The following UNC5C variants were observed in gnomAD, a reference collection of about 807,000 sequenced individuals.
The protein encoded by UNC5C is unc-5 netrin receptor C, also known as netrin receptor UNC5C.
A neutral mutation model predicts 99.8 loss-of-function variants in UNC5C; 47 were observed. The observed-to-expected ratio is 0.47, with a 90% CI of 0.37 to 0.60. The LOEUF is 0.60. Among genes scored for constraint, UNC5C ranks in the 20% least tolerant of loss-of-function variants. UNC5C has a pLI of 0.00. For synonymous variants in UNC5C, 487 were observed against 452.2 expected, an observed-to-expected ratio of 1.08 and a Z score of -0.98; for missense variants, 1,062 against 1,165.9, an observed-to-expected ratio of 0.91 and a Z score of 1.30.
chr4:95,287,795 C>T (rs1741289862), intron 3 of UNC5C, among the ~76,000 whole-genome samples: 1 of 152,226 alleles, frequency 6.6e-6, no homozygotes, highest in South Asian at 2.1e-4. Context: ...TATCCGATAT[C>T]ATGTCACTGC....
intron 1 of UNC5C, among the ~76,000 whole-genome samples, chr4:95,420,336 T>A (rs530986173): frequency 1.3e-5 from 2 of 152,288 alleles, no homozygotes; most frequent in South Asian, 4.1e-4. Flanking sequence ...AGCAATTTCA[T>A]TGAGAATGCT....
intron 1 of UNC5C, among the ~76,000 whole-genome samples, chr4:95,515,513 C>T (rs1338890536): frequency 6.6e-6 from 1 of 152,066 alleles, no homozygotes; most frequent in Non-Finnish European, 1.5e-5. Flanking sequence ...TTAGGTTTTC[C>T]TTAGTGAGCC....
chr4:95,499,046 G>T (rs1330947241), intron 1 of UNC5C, among the ~76,000 whole-genome samples: 4 of 152,014 alleles, frequency 2.6e-5, no homozygotes, highest in African/African-American at 9.7e-5. Context: ...AAGCTTTACA[G>T]GAGACCTGAT....
chr4:95,389,140 G>C (rs1404324215), intron 1 of UNC5C, among the ~76,000 whole-genome samples: 1 of 152,066 alleles, frequency 6.6e-6, no homozygotes, highest in Non-Finnish European at 1.5e-5. Context: ...GTGAAACAAA[G>C]CAGGTTAAAC....
intron 1 of UNC5C, among the ~76,000 whole-genome samples, chr4:95,463,518 A>C (rs891320032): frequency 5.9e-5 from 9 of 152,156 alleles, no homozygotes; most frequent in Non-Finnish European, 7.4e-5. Context: ...AGATGGCCAG[A>C]GGAGGAAACG....
chr4:95,189,934 G>A (rs1277654583), intron 12 of UNC5C, among the ~76,000 whole-genome samples: 6 of 152,252 alleles, frequency 3.9e-5, no homozygotes, highest in Admixed American at 2.6e-4. Flanking sequence ...TCAGTGTGGC[G>A]ATTCCTCAGG....
chr4:95,208,727 A>G (rs570379750), intron 10 of UNC5C, among the ~76,000 whole-genome samples: 11 of 152,348 alleles, frequency 7.2e-5, no homozygotes, highest in African/African-American at 2.6e-4. Context: ...TAAACCCATT[A>G]AAATGGACAT....
intron 1 of UNC5C, among the ~76,000 whole-genome samples, chr4:95,483,625 C>A (rs1416697220): frequency 6.6e-6 from 1 of 151,762 alleles, no homozygotes; most frequent in South Asian, 2.1e-4. Flanking sequence ...TTCAATTTGA[C>A]TCAGAAGCCA....
At chr4:95,380,327 AT>A (rs1167307469) in intron 1 of UNC5C, among the ~76,000 whole-genome samples, 2 of 152,218 alleles carry the variant, frequency 1.3e-5, no homozygotes, top group Non-Finnish European at 2.9e-5. Context: ...ATTTTGTCTC[AT>A]TAACATGGTC....
intron 1 of UNC5C, among the ~76,000 whole-genome samples, chr4:95,359,964 A>C (rs1418037496): frequency 6.6e-6 from 1 of 152,182 alleles, no homozygotes; most frequent in Non-Finnish European, 1.5e-5. Flanking sequence ...AAACAGGCAC[A>C]GAGAAGTCCA....
chr4:95,521,698 G>T (rs1445335532), intron 1 of UNC5C, among the ~76,000 whole-genome samples: 1 of 152,018 alleles, frequency 6.6e-6, no homozygotes, highest in African/African-American at 2.4e-5. Context: ...ACATCCATTG[G>T]AAAAATGTGA....
At chr4:95,203,025 G>T in intron 11 of UNC5C, 61 bp from the exon 12 acceptor site, 1 of 1,509,404 alleles carries the variant, frequency 6.6e-7, no homozygotes, top group Non-Finnish European at 9.2e-7. Flanking sequence ...GGCCACCAGG[G>T]ATGGTGGTGA....
intron 1 of UNC5C, among the ~76,000 whole-genome samples, chr4:95,524,451 G>T (rs1480411825): frequency 6.6e-6 from 1 of 152,200 alleles, no homozygotes; most frequent in East Asian, 1.9e-4. Flanking sequence ...CTGTCAGGCA[G>T]CTGGCAAATA....
chr4:95,476,071 G>T (rs928419140), intron 1 of UNC5C, among the ~76,000 whole-genome samples: 1 of 152,064 alleles, frequency 6.6e-6, no homozygotes, highest in Non-Finnish European at 1.5e-5. Context: ...TGTTCACTAT[G>T]ATTAATATTC....
chr4:95,319,400 G>A (rs779789386), intron 2 of UNC5C, among the ~76,000 whole-genome samples: 1 of 152,088 alleles, frequency 6.6e-6, no homozygotes, highest in Non-Finnish European at 1.5e-5. Context: ...TTTATAATCA[G>A]GTTAAGCCTT....
At chr4:95,420,168 G>A (rs1371481788) in intron 1 of UNC5C, among the ~76,000 whole-genome samples, 2 of 152,050 alleles carry the variant, frequency 1.3e-5, no homozygotes, top group Non-Finnish European at 2.9e-5. Context: ...CAGGTTAAAC[G>A]TTTTATTGGA....
At chr4:95,534,290 T>C (rs1411598676) in intron 1 of UNC5C, among the ~76,000 whole-genome samples, 1 of 152,216 alleles carries the variant, frequency 6.6e-6, no homozygotes. Flanking sequence ...GTCTATTACA[T>C]TATGTTTGCT....
intron 1 of UNC5C, among the ~76,000 whole-genome samples, chr4:95,457,871 T>A (rs545930285): frequency 6.6e-6 from 1 of 152,170 alleles, no homozygotes; most frequent in South Asian, 2.1e-4. Flanking sequence ...GATCTGAACG[T>A]CGGATGAGAT....
chr4:95,374,101 C>T (rs1744825668), intron 1 of UNC5C, among the ~76,000 whole-genome samples: 1 of 152,094 alleles, frequency 6.6e-6, no homozygotes, highest in African/African-American at 2.4e-5. Flanking sequence ...GTCAAAGCAA[C>T]ATCCCTCAGG....
Sources: allele counts gnomAD v4.1 joint callset (sites outside exome capture counted in the v4.1 genomes callset), GRCh38; gene constraint gnomAD v4.1.1; transcripts MANE v1.5; gene names NCBI Gene and HGNC (gene_info 2026-07-23, HGNC 2026-07-21).